RIMKLB: variants seen among roughly 807,000 people sequenced by gnomAD.
The protein encoded by RIMKLB is ribosomal modification protein rimK like family member B.
A neutral mutation model predicts 32.0 loss-of-function variants in RIMKLB; 7 were observed. The ratio of observed to expected loss-of-function variants is 0.22; its 90% confidence interval spans 0.12 to 0.41. The LOEUF is 0.41. Among genes scored for constraint, RIMKLB ranks in the 10% least tolerant of loss-of-function variants. The pLI is 1.00. For synonymous variants in RIMKLB, 172 were observed against 185.1 expected (o/e 0.93, Z 0.57); for missense variants, 289 against 498.7 (o/e 0.58, Z 4.00).
chr12:8,701,218 AAATTGTCTCTT>A (rs1009852680), intron 1 of RIMKLB, among the ~76,000 whole-genome samples: 2 of 152,186 alleles, frequency 1.3e-5, no homozygotes, highest in African/African-American at 4.8e-5. Context: ...CAGATGTTGG[AAATTGTCTCTT>A]AATTGTCTCG....
rs1445866482 is a variant in RIMKLB, at chr12:8,699,129, A to G, written c.-57+832A>G. ...GGGGTTATTGCACTAACCATGCTCA[A>G]TGCAACTGCTATGTAAATTCTTTCA... is the stretch of plus-strand genomic sequence containing the variant. On this transcript the variant is annotated intron_variant, in intron 1 of 5. Transcript: ENST00000535829. Among the ~76,000 whole-genome samples the G allele has an allele frequency of 2.6e-5, 4 of 152,340 alleles. No individual in the cohort carries two copies. The South Asian group carries it at 6.2e-4, about 24-fold the overall frequency.
At chr12:8,755,257 T>A (rs1014393287) in intron 5 of RIMKLB, among the ~76,000 whole-genome samples, 32 of 150,900 alleles carry the variant, frequency 2.1e-4, no homozygotes, top group African/African-American at 7.5e-4. Context: ...AGCGCCGGGC[T>A]AATTTTTTAC....
At position 8,776,308 on chromosome 12, in the gene RIMKLB, A is replaced by AT. The variant is rs1174283609; in HGVS notation, c.*2528dup. The AT allele has an allele frequency of 3.1e-6, 3 of 972,362 alleles. No homozygotes were observed. The highest frequency in any genetic ancestry group is 3.7e-6 in the Non-Finnish European group (3 of 819,660). 60.2% of individuals were successfully genotyped at this position (972,362 alleles called of 1,614,324 possible). On this transcript the variant is annotated 3_prime_UTR_variant, in exon 6 of 6. Coordinates refer to ENST00000535829, the MANE Select transcript of RIMKLB (RefSeq NM_001297776.2). ...ATGAAAAGAGCAGTAGTTATCTTAG[A>AT]TTTTAAAAACATGGATATCTTCTTG...
At position 8,743,221 on chromosome 12, in the gene RIMKLB, A is replaced by T. The variant is rs1267349704; in HGVS notation, c.176-6641A>T. Reference sequence around the variant, plus strand: ...ATACAAAAATTATCCGGGTGTGGTGATGCTCGCCTGTAATCCCAGCTACTT... The same window carrying T: ...ATACAAAAATTATCCGGGTGTGGTGTTGCTCGCCTGTAATCCCAGCTACTT... On this transcript the variant is annotated intron_variant, in intron 2 of 5. Coordinates refer to ENST00000535829, the MANE Select transcript of RIMKLB (RefSeq NM_001297776.2). The T allele has an allele frequency of 2.6e-5, 4 of 151,478 alleles. 1 individual carries two copies. The highest frequency in any genetic ancestry group is 9.8e-5 in the African/African-American group (4 of 40,878). 9.4% of individuals were successfully genotyped at this position (151,478 alleles called of 1,614,324 possible).
chr12:8,677,959 T>C (rs1942353806), upstream of RIMKLB, among the ~76,000 whole-genome samples: 1 of 151,092 alleles, frequency 6.6e-6, no homozygotes, highest in Admixed American at 6.6e-5. Flanking sequence ...TATTTATTTA[T>C]TTTTGTAGAG....
At chr12:8,736,479 T>C (rs1183985976) in intron 2 of RIMKLB, among the ~76,000 whole-genome samples, 1 of 151,986 alleles carries the variant, frequency 6.6e-6, no homozygotes, top group Non-Finnish European at 1.5e-5. Context: ...TCTGAGCTAT[T>C]TAGATCAAGG....
chr12:8,718,657 ATATATATATATATGTG>A (rs1034853603), intron 2 of RIMKLB, among the ~76,000 whole-genome samples: 2 of 133,538 alleles, frequency 1.5e-5, no homozygotes, highest in African/African-American at 6.3e-5. Context: ...CTCTCTCTAT[ATATATATATATATGTG>A]TGTGTGTGTG....
rs999284089 is a variant in RIMKLB, at chr12:8,777,169, A to G, written c.*3385A>G. On this transcript the variant is annotated 3_prime_UTR_variant, in exon 6 of 6. Coordinates refer to ENST00000535829, the MANE Select transcript of RIMKLB (RefSeq NM_001297776.2). ...GTACTAGGATTTTAAAAAATGTAAT[A>G]TATTGCAGGATTTATAACCAGGTTC... 1.3e-5 allele frequency: 13 copies of G among 963,624 alleles called. No individual in the cohort carries two copies. The highest frequency in any genetic ancestry group is 1.6e-5 in the Non-Finnish European group (13 of 818,404). The allele number at this position is 963,624 out of a possible 1,614,324, so 59.7% of individuals were successfully genotyped here. A position where few individuals can be genotyped will look rare whatever the true frequency, so the allele number is the denominator to read the frequency against.
intron 1 of RIMKLB, among the ~76,000 whole-genome samples, chr12:8,701,647 C>CT (rs752751224): frequency 0.049 from 6,142 of 124,696 alleles, 385 homozygotes; most frequent in African/African-American, 0.15. Flanking sequence ...GGCCTGATCT[C>CT]TTTTTTTTTT....
At chr12:8,767,886 A>T (rs946034988) in intron 5 of RIMKLB, among the ~76,000 whole-genome samples, 1 of 152,304 alleles carries the variant, frequency 6.6e-6, no homozygotes, top group South Asian at 2.1e-4. Context: ...AATTCTAAGG[A>T]AGGATAGGAC....
At position 8,783,049 on chromosome 12, in the gene RIMKLB, T is replaced by G. The variant is rs762470535; in HGVS notation, c.*435T>G. 4 of 152,366 alleles carry G rather than the reference T, an allele frequency of 2.6e-5. No individual in the cohort carries two copies. In the South Asian group the frequency reaches 8.3e-4, roughly 32 times the overall value. The allele number at this position is 152,366 out of a possible 1,614,324, so 9.4% of individuals were successfully genotyped here. A position where few individuals can be genotyped will look rare whatever the true frequency, so the allele number is the denominator to read the frequency against. On this transcript the variant is annotated 3_prime_UTR_variant, in exon 8 of 8. Transcript: ENST00000619374. Reference sequence around the variant, plus strand: ...AAAGCAATAACTCCAACCTGTTTGATTCCGTCTGTTTTCTAAATAAAGACA... The same window carrying G: ...AAAGCAATAACTCCAACCTGTTTGAGTCCGTCTGTTTTCTAAATAAAGACA...
In RIMKLB at chr12:8,698,266, G is replaced by T. The variant is rs893188293; in HGVS notation, c.-88G>T. The T allele has an allele frequency of 2.5e-5, 9 of 364,190 alleles. No homozygotes were observed. The highest frequency in any genetic ancestry group is 2.0e-4 in the African/African-American group (9 of 45,120). 22.6% of individuals were successfully genotyped at this position (364,190 alleles called of 1,614,324 possible). A position where few individuals can be genotyped will look rare whatever the true frequency, so the allele number is the denominator to read the frequency against. On this transcript the variant is annotated 5_prime_UTR_variant, in exon 1 of 6. Transcript: ENST00000535829. ...CGAAGGCCCCAGCCCGGCTCAGTCG[G>T]CCGAGAGCGAGGGAGGAGCCCCCCG...
At chr12:8,681,962 T>A (rs954917397) in intron 1 of RIMKLB, 1 of 151,750 alleles carries the variant, frequency 6.6e-6, no homozygotes, top group Admixed American at 6.6e-5. Flanking sequence ...GGAGCAGTCT[T>A]GTGGGACTCA....
chr12:8,676,383 T>A, the RIMKLB span, among the ~76,000 whole-genome samples: 15 of 22,016 alleles, frequency 6.8e-4, no homozygotes, highest in African/African-American at 4.1e-3. Flanking sequence ...CCCCAACAGC[T>A]TTTTTTTTTT....
intron 2 of RIMKLB, among the ~76,000 whole-genome samples, chr12:8,729,043 G>A (rs1946303609): frequency 1.3e-5 from 2 of 152,122 alleles, no homozygotes; most frequent in African/African-American, 4.8e-5. Flanking sequence ...GCTTTTGGGT[G>A]CTGGCAAGAG....
chr12:8,764,429 A>G (rs1483651244), intron 5 of RIMKLB, among the ~76,000 whole-genome samples: 3 of 152,176 alleles, frequency 2.0e-5, no homozygotes, highest in Non-Finnish European at 4.4e-5. Context: ...GGATAATTAG[A>G]AAAGCATGTG....
intron 5 of RIMKLB, among the ~76,000 whole-genome samples, chr12:8,767,133 T>A (rs777410379): frequency 1.3e-5 from 2 of 152,376 alleles, no homozygotes; most frequent in South Asian, 4.1e-4. Context: ...GAGAAGACCT[T>A]CCATTATCAA....
chr12:8,743,787 T>G (rs1202349232), intron 2 of RIMKLB, among the ~76,000 whole-genome samples: 1 of 151,892 alleles, frequency 6.6e-6, no homozygotes, highest in Non-Finnish European at 1.5e-5. Context: ...TGTTCGAGGG[T>G]TAACTTATTA....
At chr12:8,712,927 T>G (rs1565563156) in intron 1 of RIMKLB, among the ~76,000 whole-genome samples, 2 of 152,082 alleles carry the variant, frequency 1.3e-5, no homozygotes, top group Admixed American at 6.6e-5. Context: ...TGGTAAACAT[T>G]AAAAAAAATC....
Sources: gnomAD v4.1 joint callset for allele counts (sites outside exome capture counted in the v4.1 genomes callset) on GRCh38, gnomAD v4.1.1 for gene constraint, MANE v1.5 for transcripts, NCBI Gene and HGNC (gene_info 2026-07-23, HGNC 2026-07-21) for gene names.